The following UBASH3B variants were observed in gnomAD, a reference collection of about 807,000 sequenced individuals.
UBASH3B encodes the protein ubiquitin-associated and SH3 domain-containing protein B.
A neutral mutation model predicts 83.4 loss-of-function variants in UBASH3B; 37 were observed. The observed-to-expected ratio is 0.44, with a 90% CI of 0.34 to 0.58. The LOEUF (loss-of-function observed/expected upper bound fraction) is 0.58, where lower values mean the gene tolerates loss of function less well. Among genes scored for constraint, UBASH3B ranks in the 20% least tolerant of loss-of-function variants. UBASH3B has a pLI of 0.01. For synonymous variants in UBASH3B, 304 were observed against 318.3 expected, an observed-to-expected ratio of 0.96 and a Z score of 0.48; for missense variants, 657 against 827.2, an observed-to-expected ratio of 0.79 and a Z score of 2.52.
intron 1 of UBASH3B, among the ~76,000 whole-genome samples, chr11:122,771,289 A>G (rs1256666389): frequency 1.3e-5 from 2 of 148,990 alleles, no homozygotes; most frequent in Admixed American, 6.7e-5. Context: ...GTGGAGTGCA[A>G]TGGCACGACC....
intron 1 of UBASH3B, among the ~76,000 whole-genome samples, chr11:122,721,074 T>C (rs1274939309): frequency 6.0e-5 from 9 of 150,156 alleles, no homozygotes; most frequent in Admixed American, 5.9e-4. Context: ...TGAAACCCCG[T>C]CTCTACCAAA....
At chr11:122,679,814 T>C (rs549090191) in intron 1 of UBASH3B, among the ~76,000 whole-genome samples, 1 of 152,296 alleles carries the variant, frequency 6.6e-6, no homozygotes, top group Non-Finnish European at 1.5e-5. Context: ...CATTCTTCTT[T>C]TGATTTTTTT....
At chr11:122,718,070 C>A (rs1178457424) in intron 1 of UBASH3B, among the ~76,000 whole-genome samples, 1 of 152,036 alleles carries the variant, frequency 6.6e-6, no homozygotes, top group African/African-American at 2.4e-5. Context: ...TACAGGCACC[C>A]ACTACCAAGT....
intron 1 of UBASH3B, among the ~76,000 whole-genome samples, chr11:122,678,041 G>A (rs1005499124): frequency 2.0e-5 from 3 of 152,214 alleles, no homozygotes; most frequent in Admixed American, 6.5e-5. Context: ...TGTGCCTGCT[G>A]AGGCTTTCCA....
At chr11:122,807,792 G>A (rs1036446943) in intron 12 of UBASH3B, among the ~76,000 whole-genome samples, 2 of 152,064 alleles carry the variant, frequency 1.3e-5, no homozygotes, top group African/African-American at 4.8e-5. Flanking sequence ...GAACTCAAGT[G>A]GTCCTCCCTC....
At chr11:122,676,859 CT>C (rs992657734) in intron 1 of UBASH3B, among the ~76,000 whole-genome samples, 6 of 152,224 alleles carry the variant, frequency 3.9e-5, no homozygotes, top group African/African-American at 1.4e-4. Flanking sequence ...CCCCCAGGCT[CT>C]TCTGTGTGAC....
At chr11:122,736,625 A>C (rs1446682460) in intron 1 of UBASH3B, among the ~76,000 whole-genome samples, 1 of 152,144 alleles carries the variant, frequency 6.6e-6, no homozygotes, top group Admixed American at 6.5e-5. Flanking sequence ...TACACTTAGC[A>C]CTGAGATCAA....
chr11:122,680,384 A>G (rs747879294), intron 1 of UBASH3B, among the ~76,000 whole-genome samples: 2 of 152,262 alleles, frequency 1.3e-5, no homozygotes, highest in African/African-American at 2.4e-5. Context: ...AGAGTGGGAC[A>G]GTGACTTGCT....
At chr11:122,688,280 T>C (rs1451896207) in intron 1 of UBASH3B, among the ~76,000 whole-genome samples, 2 of 151,706 alleles carry the variant, frequency 1.3e-5, no homozygotes, top group African/African-American at 4.9e-5. Context: ...TCCCCTTCCT[T>C]CCTCCCTCCC....
chr11:122,763,104 C>G (rs1205540882), intron 1 of UBASH3B, among the ~76,000 whole-genome samples: 1 of 152,124 alleles, frequency 6.6e-6, no homozygotes, highest in Non-Finnish European at 1.5e-5. Flanking sequence ...GAGTTTTGTT[C>G]CCAAGAATGT....
chr11:122,790,965 G>A (rs1340626477), intron 6 of UBASH3B, among the ~76,000 whole-genome samples: 1 of 149,348 alleles, frequency 6.7e-6, no homozygotes, highest in African/African-American at 2.5e-5. Flanking sequence ...AAAAAAAAAA[G>A]TGGAGGTATA....
chr11:122,798,713 A>G (rs1475113327), intron 9 of UBASH3B, among the ~76,000 whole-genome samples: 1 of 151,192 alleles, frequency 6.6e-6, no homozygotes, highest in Non-Finnish European at 1.5e-5. Flanking sequence ...CCATCTCAAA[A>G]AAAAAAAAAA....
At chr11:122,699,523 CTT>C (rs766200704) in intron 1 of UBASH3B, among the ~76,000 whole-genome samples, 5 of 94,746 alleles carry the variant, frequency 5.3e-5, no homozygotes, top group African/African-American at 2.1e-4. Context: ...CTTTCTCTTT[CTT>C]TCTTTCTCTT....
Position 122,748,814 on chromosome 11 carries a change from G to T in UBASH3B, c.162-27405G>T, listed in dbSNP as rs189162876. Among the ~76,000 whole-genome samples the T allele has an allele frequency of 2.6e-5, 4 of 152,336 alleles. No homozygotes were observed. In the East Asian group the frequency reaches 7.7e-4, roughly 29 times the overall value. On this transcript the variant is annotated intron_variant, in intron 1 of 13. Coordinates refer to ENST00000284273, the MANE Select transcript of UBASH3B (RefSeq NM_032873.5). ...CCCTGGGTCTCTTGCACACGCTTGT[G>T]CTTAATACTGATTTGCCACTTAACA...
At chr11:122,721,052 C>T (rs150647162) in intron 1 of UBASH3B, among the ~76,000 whole-genome samples, 3,091 of 151,654 alleles carry the variant, frequency 0.02, 63 homozygotes, top group East Asian at 0.077. Flanking sequence ...GAGACCATCC[C>T]GGCTCACACG....
At chr11:122,721,715 A>T (rs1301443695) in intron 1 of UBASH3B, among the ~76,000 whole-genome samples, 1 of 152,234 alleles carries the variant, frequency 6.6e-6, no homozygotes, top group Non-Finnish European at 1.5e-5. Flanking sequence ...AAAGCCTTCC[A>T]GGATCTTTCC....
At chr11:122,735,401 T>A (rs1753304822) in intron 1 of UBASH3B, among the ~76,000 whole-genome samples, 1 of 152,200 alleles carries the variant, frequency 6.6e-6, no homozygotes, top group African/African-American at 2.4e-5. Flanking sequence ...ATACACACTC[T>A]TCTAGTTAAG....
chr11:122,808,921 C>A (rs1861388532), intron 13 of UBASH3B, among the ~76,000 whole-genome samples: 1 of 151,536 alleles, frequency 6.6e-6, no homozygotes, highest in African/African-American at 2.4e-5. Flanking sequence ...GCTGTGACAA[C>A]TGAAGTGAGG....
chr11:122,656,058 G>T lies in UBASH3B; in HGVS notation c.9G>T (p.Gln3His), dbSNP rs564196528. 155 of 1,595,634 alleles carry T rather than the reference G, an allele frequency of 9.7e-5. No individual in the cohort carries two copies. In the East Asian group the frequency reaches 3.5e-3, roughly 36 times the overall value. Residue 3 changes from glutamine (Q) to histidine (H), a missense_variant, in exon 1 of 14, where the codon CAG becomes CAT. Physicochemically the swap from Gln to His is conservative, Grantham distance 24. This residue lies in a region of UBASH3B where 78 missense variants were observed against 68.4 expected (regional missense o/e 1.14). Transcript: ENST00000284273. MA[Q>H]YGHPSPLGMA... ...TGGCTGGCCGCTGAGCCATGGCTCA[G>T]TACGGCCACCCCAGTCCGCTCGGCA...
Sources: gnomAD v4.1 joint callset for allele counts (sites outside exome capture counted in the v4.1 genomes callset) on GRCh38, gnomAD v4.1.1 for gene constraint, gnomAD v4.1.1 regional missense constraint, MANE v1.5 for transcripts, NCBI Gene and HGNC (gene_info 2026-07-23, HGNC 2026-07-21) for gene names.